LRRC7: variants seen among roughly 807,000 people sequenced by gnomAD.
The protein encoded by LRRC7 is leucine-rich repeat-containing protein 7.
In LRRC7, 23 loss-of-function variants were observed where a neutral mutation model predicts 175.7. That is an observed-to-expected ratio of 0.13 (90% CI 0.09 to 0.19). LRRC7 has a LOEUF of 0.19. LRRC7 is among the 10% of genes least tolerant of loss of function. The pLI, the probability that LRRC7 is intolerant of heterozygous loss-of-function variation, is 1.00. For missense variants in LRRC7, 1,354 were observed against 1,904.7 expected (o/e 0.71, Z 5.38); for synonymous variants, 685 against 680.9 (o/e 1.01, Z -0.09).
intron 4 of LRRC7, among the ~76,000 whole-genome samples, chr1:69,813,923 C>T (rs1913269): frequency 0.64 from 96,647 of 151,910 alleles, 31,001 homozygotes; most frequent in East Asian, 0.78. Flanking sequence ...CAAGTAAGGC[C>T]ATTTATTCCA....
At chr1:69,993,054 C>CTTTCCTGTT (rs1398810124) in intron 10 of LRRC7, among the ~76,000 whole-genome samples, 19 of 152,140 alleles carry the variant, frequency 1.2e-4, no homozygotes, top group Non-Finnish European at 7.4e-5. Flanking sequence ...ATAAGTCATA[C>CTTTCCTGTT]TTTCCTGTTT....
At chr1:69,772,016 G>A (rs1032149393) in intron 3 of LRRC7, among the ~76,000 whole-genome samples, 1 of 152,128 alleles carries the variant, frequency 6.6e-6, no homozygotes, top group African/African-American at 2.4e-5. Context: ...AGCTACTCAG[G>A]AGGCTGAGGC....
At chr1:69,765,637 A>G (rs933049699) in intron 3 of LRRC7, among the ~76,000 whole-genome samples, 2 of 152,074 alleles carry the variant, frequency 1.3e-5, no homozygotes, top group African/African-American at 2.4e-5. Flanking sequence ...TATCCATTCA[A>G]CACTTGGCTA....
intron 8 of LRRC7, among the ~76,000 whole-genome samples, chr1:69,964,327 C>G (rs1184704662): frequency 6.6e-6 from 1 of 152,170 alleles, no homozygotes; most frequent in Non-Finnish European, 1.5e-5. Flanking sequence ...TACTGTCATT[C>G]ACCTATTACG....
chr1:69,728,406 A>G (rs777141450), intron 2 of LRRC7, among the ~76,000 whole-genome samples: 10 of 152,198 alleles, frequency 6.6e-5, no homozygotes, highest in African/African-American at 9.6e-5. Context: ...AAATGAAGCT[A>G]CATTAAAGGC....
intron 8 of LRRC7, among the ~76,000 whole-genome samples, chr1:69,971,421 A>G (rs1652224647): frequency 2.0e-5 from 3 of 152,208 alleles, no homozygotes; most frequent in African/African-American, 2.4e-5. Flanking sequence ...GAATTCAGCA[A>G]AGTTTCCAGA....
At chr1:69,825,354 A>AT (rs1679787615) in intron 4 of LRRC7, among the ~76,000 whole-genome samples, 1 of 152,148 alleles carries the variant, frequency 6.6e-6, no homozygotes, top group Admixed American at 6.6e-5. Context: ...GGAAGTAAAG[A>AT]TTTTATCTTC....
intron 11 of LRRC7, among the ~76,000 whole-genome samples, chr1:70,001,802 T>C (rs1655559626): frequency 6.6e-6 from 1 of 152,184 alleles, no homozygotes; most frequent in Non-Finnish European, 1.5e-5. Context: ...TATCAAATAA[T>C]AATGAGCGCC....
chr1:70,007,411 A>G (rs1049897398), intron 11 of LRRC7, among the ~76,000 whole-genome samples: 1 of 152,222 alleles, frequency 6.6e-6, no homozygotes, highest in African/African-American at 2.4e-5. Flanking sequence ...AATGGGAAAC[A>G]TTATGATTGT....
intron 1 of LRRC7, among the ~76,000 whole-genome samples, chr1:69,662,812 C>T (rs1657675889): frequency 6.6e-6 from 1 of 152,224 alleles, no homozygotes; most frequent in South Asian, 2.1e-4. Flanking sequence ...ATGCTTTCAG[C>T]ATAGTCCTGG....
At chr1:69,786,244 G>A (rs527905431) in intron 3 of LRRC7, among the ~76,000 whole-genome samples, 2 of 152,070 alleles carry the variant, frequency 1.3e-5, no homozygotes, top group African/African-American at 4.8e-5. Context: ...GTTTAAAGAA[G>A]CCCCATAAAT....
chr1:69,662,201 C>A (rs993804323), intron 1 of LRRC7, among the ~76,000 whole-genome samples: 1 of 152,114 alleles, frequency 6.6e-6, no homozygotes, highest in African/African-American at 2.4e-5. Flanking sequence ...TAAAGATGCT[C>A]TATAACCATA....
At chr1:69,865,429 C>T (rs1484335696) in intron 7 of LRRC7, among the ~76,000 whole-genome samples, 1 of 145,566 alleles carries the variant, frequency 6.9e-6, no homozygotes, top group Non-Finnish European at 1.5e-5. Context: ...AACTAAGGCC[C>T]TTGAGAGCAT....
At chr1:69,578,731 G>A (rs150703233) in intron 1 of LRRC7, among the ~76,000 whole-genome samples, 3,787 of 144,152 alleles carry the variant, frequency 0.026, 139 homozygotes, top group African/African-American at 0.092. Context: ...TCATAGGTGT[G>A]AATTGAACAA....
Position 69,993,774 on chromosome 1 carries a change from G to A in LRRC7, c.932-787G>A, listed in dbSNP as rs1654668770. The stretch of plus-strand genomic sequence containing the variant: ...CAATGTAAAACAAAATTTGTTAAGT[G>A]TTAATGCTTTGCCCTTGGATTTGGA... On this transcript the variant is annotated intron_variant, in intron 10 of 26. Coordinates refer to ENST00000651989, the MANE Select transcript of LRRC7 (RefSeq NM_001370785.2). Among the ~76,000 whole-genome samples the A allele has an allele frequency of 2.6e-5, 4 of 152,246 alleles. No homozygotes were observed. The South Asian group carries it at 8.3e-4, about 32-fold the overall frequency.
At chr1:69,886,792 A>G (rs1183711453) in intron 7 of LRRC7, among the ~76,000 whole-genome samples, 7 of 149,540 alleles carry the variant, frequency 4.7e-5, no homozygotes, top group Non-Finnish European at 1.0e-4. Flanking sequence ...TTCCTTCAGG[A>G]GCTCTTTTAG....
intron 7 of LRRC7, among the ~76,000 whole-genome samples, chr1:69,928,140 C>T (rs1647149081): frequency 1.3e-5 from 2 of 152,138 alleles, no homozygotes; most frequent in African/African-American, 4.8e-5. Flanking sequence ...ACCGTGAATG[C>T]TGCTGTCTGA....
intron 2 of LRRC7, among the ~76,000 whole-genome samples, chr1:69,746,339 T>A (rs1263469878): frequency 1.3e-5 from 2 of 152,022 alleles, no homozygotes; most frequent in African/African-American, 2.4e-5. Context: ...TTTATTATAA[T>A]CACTATGTGC....
At chr1:69,619,016 A>G (rs12036330) in intron 1 of LRRC7, among the ~76,000 whole-genome samples, 52,317 of 152,002 alleles carry the variant, frequency 0.34, 9,342 homozygotes, top group East Asian at 0.59. Flanking sequence ...CAACCTTGAC[A>G]GTGAGTGGCT....
Sources: gnomAD v4.1 joint callset for allele counts (sites outside exome capture counted in the v4.1 genomes callset) on GRCh38, gnomAD v4.1.1 for gene constraint, MANE v1.5 for transcripts, NCBI Gene and HGNC (gene_info 2026-07-23, HGNC 2026-07-21) for gene names.